The following PEX5L variants were observed in gnomAD, a reference collection of about 807,000 sequenced individuals.
The protein encoded by PEX5L is peroxisomal biogenesis factor 5 like.
PEX5L carries 30 observed loss-of-function variants against 84.0 expected under a neutral mutation model. The observed-to-expected ratio is 0.36, with a 90% CI of 0.27 to 0.48. The LOEUF is 0.48. PEX5L is among the 20% of genes least tolerant of loss of function. PEX5L has a pLI of 0.99. For missense variants in PEX5L, 533 were observed against 754.6 expected, an observed-to-expected ratio of 0.71 and a Z score of 3.44; for synonymous variants, 270 against 283.1, an observed-to-expected ratio of 0.95 and a Z score of 0.46.
chr3:179,805,143 GGTC>G (rs1271948007), intron 14 of PEX5L, among the ~76,000 whole-genome samples: 1 of 137,958 alleles, frequency 7.2e-6, no homozygotes, highest in East Asian at 2.1e-4. Flanking sequence ...CTCACTCGAT[GGTC>G]TTTTTTTTTT....
intron 8 of PEX5L, among the ~76,000 whole-genome samples, chr3:179,828,419 C>T (rs1036904332): frequency 3.9e-5 from 6 of 152,100 alleles, no homozygotes; most frequent in Non-Finnish European, 7.4e-5. Context: ...TAATACAAGA[C>T]CCACATTTCT....
chr3:179,808,014 G>A (rs1312542636), intron 13 of PEX5L, among the ~76,000 whole-genome samples, 183 bp from the exon 14 acceptor site: 1 of 152,136 alleles, frequency 6.6e-6, no homozygotes, highest in Admixed American at 6.5e-5. Context: ...ACTTTCACTC[G>A]TCAATGAACA....
intron 8 of PEX5L, among the ~76,000 whole-genome samples, chr3:179,848,865 T>C (rs1740673930): frequency 2.0e-5 from 3 of 152,122 alleles, no homozygotes; most frequent in Admixed American, 2.0e-4. Context: ...TGTGAGGAGA[T>C]GAGATCTGAG....
chr3:179,866,630 G>C (rs1748267238), intron 7 of PEX5L, among the ~76,000 whole-genome samples: 1 of 152,128 alleles, frequency 6.6e-6, no homozygotes, highest in African/African-American at 2.4e-5. Flanking sequence ...GGTTGGCAGA[G>C]ACTAGTTGGA....
At chr3:180,033,668 G>A (rs1045144285) in intron 1 of PEX5L, among the ~76,000 whole-genome samples, 14 of 152,232 alleles carry the variant, frequency 9.2e-5, no homozygotes, top group Admixed American at 4.6e-4. Context: ...TGTCAGAACC[G>A]ATGCTAAAGT....
intron 4 of PEX5L, 124 bp from the exon 5 acceptor site, chr3:179,880,247 C>G (rs1261208956): frequency 1.8e-6 from 1 of 559,924 alleles, no homozygotes; most frequent in African/African-American, 1.9e-5. Flanking sequence ...ATTACGTTAG[C>G]TCATCATTGA....
At chr3:179,803,845 A>G (rs1365754445) in intron 14 of PEX5L, among the ~76,000 whole-genome samples, 4 of 152,240 alleles carry the variant, frequency 2.6e-5, no homozygotes, top group Non-Finnish European at 4.4e-5. Flanking sequence ...TGGTGTATGT[A>G]GCAATCTGGA....
chr3:179,984,818 C>T (rs1786655536), intron 1 of PEX5L, among the ~76,000 whole-genome samples: 1 of 152,220 alleles, frequency 6.6e-6, no homozygotes, highest in Admixed American at 6.5e-5. Context: ...AGCTTTAGTG[C>T]TTACAAATAC....
rs944954805 is a variant in PEX5L at position 179,795,845 on chromosome 3, C to T, written c.*5983G>A. ...TTTCTAAATAGTTAAATGTTTGTTA[C>T]AGTTTGTAAAAAGTTTAATAAATTA... On this transcript the variant is annotated 3_prime_UTR_variant, in exon 15 of 15. Coordinates refer to ENST00000467460, the MANE Select transcript of PEX5L (RefSeq NM_016559.3). 17 of 152,044 alleles carry T rather than the reference C, an allele frequency of 1.1e-4. No homozygotes were observed. The highest frequency in any genetic ancestry group is 4.1e-4 in the African/African-American group (17 of 41,452). 9.4% of individuals were successfully genotyped at this position (152,044 alleles called of 1,614,324 possible). A position where few individuals can be genotyped will look rare whatever the true frequency, so the allele number is the denominator to read the frequency against.
At chr3:179,956,261 A>C (rs934753387) in intron 2 of PEX5L, among the ~76,000 whole-genome samples, 1 of 152,218 alleles carries the variant, frequency 6.6e-6, no homozygotes, top group Non-Finnish European at 1.5e-5. Context: ...ATAGATCTTA[A>C]TAACTTTCTG....
chr3:179,979,597 C>T (rs1786123578), intron 1 of PEX5L, among the ~76,000 whole-genome samples: 1 of 152,166 alleles, frequency 6.6e-6, no homozygotes, highest in South Asian at 2.1e-4. Context: ...GGTGCAGAGT[C>T]TAAGAGAATT....
chr3:180,011,113 G>A (rs551603208), intron 1 of PEX5L, among the ~76,000 whole-genome samples: 2 of 152,252 alleles, frequency 1.3e-5, no homozygotes, highest in East Asian at 3.9e-4. Context: ...TCAAAACTCT[G>A]TGAATTACAT....
chr3:179,978,431 T>C (rs994385343), intron 1 of PEX5L, among the ~76,000 whole-genome samples: 6 of 152,156 alleles, frequency 3.9e-5, no homozygotes, highest in African/African-American at 1.2e-4. Context: ...TTTCTAGTAT[T>C]TTATCATGAA....
At chr3:179,979,397 T>C (rs1173562950) in intron 1 of PEX5L, among the ~76,000 whole-genome samples, 1 of 152,212 alleles carries the variant, frequency 6.6e-6, no homozygotes, top group African/African-American at 2.4e-5. Context: ...ATGTAAAAAA[T>C]TGTTTTCTGT....
intron 3 of PEX5L, among the ~76,000 whole-genome samples, chr3:179,894,866 A>G (rs2108939864): frequency 6.6e-6 from 1 of 152,232 alleles, no homozygotes; most frequent in Non-Finnish European, 1.5e-5. Context: ...TTGCTAAAAA[A>G]GTATCTAGGA....
chr3:179,924,834 G>A (rs1025981342), intron 2 of PEX5L, among the ~76,000 whole-genome samples: 5 of 151,896 alleles, frequency 3.3e-5, no homozygotes, highest in Non-Finnish European at 5.9e-5. Context: ...AGAGCAGTAT[G>A]TTGCACATAA....
chr3:179,903,402 AT>A (rs60091108), intron 2 of PEX5L, among the ~76,000 whole-genome samples: 1 of 151,804 alleles, frequency 6.6e-6, no homozygotes, highest in African/African-American at 2.4e-5. Flanking sequence ...ATTTAAAAAA[AT>A]TTTTTTCTTA....
chr3:179,998,278 T>C (rs565056517), intron 1 of PEX5L, among the ~76,000 whole-genome samples: 3 of 152,280 alleles, frequency 2.0e-5, no homozygotes, highest in Admixed American at 6.5e-5. Context: ...CATTCCTCAT[T>C]TGGGTGTGTT....
intron 2 of PEX5L, among the ~76,000 whole-genome samples, chr3:179,919,251 T>C (rs572495805): frequency 6.6e-6 from 1 of 152,338 alleles, no homozygotes; most frequent in African/African-American, 2.4e-5. Context: ...TAAGTTAAAG[T>C]GGCAGTGGTG....
Sources: gnomAD v4.1 joint callset for allele counts (sites outside exome capture counted in the v4.1 genomes callset) on GRCh38, gnomAD v4.1.1 for gene constraint, MANE v1.5 for transcripts, NCBI Gene and HGNC (gene_info 2026-07-23, HGNC 2026-07-21) for gene names.